Variants in NELL1 observed in about 807,000 individuals in gnomAD.
NELL1 encodes protein kinase C-binding protein NELL1.
A neutral mutation model predicts 107.4 loss-of-function variants in NELL1; 76 were observed. The observed-to-expected ratio is 0.71, with a 90% CI of 0.59 to 0.86. The LOEUF is 0.86. NELL1 is among the 40% of genes least tolerant of loss of function. The pLI is 0.00. For synonymous variants in NELL1, 353 were observed against 341.2 expected (o/e 1.03, Z -0.38); for missense variants, 1,024 against 1,005.5 (o/e 1.02, Z -0.25).
At chr11:20,747,361 G>A (rs1010599566) in intron 2 of NELL1, among the ~76,000 whole-genome samples, 10 of 152,130 alleles carry the variant, frequency 6.6e-5, no homozygotes, top group African/African-American at 2.4e-4. Flanking sequence ...AAGATAACTA[G>A]GTCATCTAGG....
intron 16 of NELL1, among the ~76,000 whole-genome samples, chr11:21,549,609 T>C (rs565367449): frequency 1.4e-4 from 22 of 151,930 alleles, no homozygotes; most frequent in African/African-American, 5.1e-4. Context: ...CTCAGTGCAG[T>C]CATTTTTCTT....
At chr11:21,381,855 A>G (rs1851615959) in intron 15 of NELL1, among the ~76,000 whole-genome samples, 1 of 149,286 alleles carries the variant, frequency 6.7e-6, no homozygotes, top group Non-Finnish European at 1.5e-5. Context: ...GAGCTGATTC[A>G]GCACCTGGAA....
chr11:21,328,127 C>G (rs1319246094), intron 14 of NELL1, among the ~76,000 whole-genome samples: 1 of 152,128 alleles, frequency 6.6e-6, no homozygotes, highest in African/African-American at 2.4e-5. Flanking sequence ...CAGGGGTTAT[C>G]AGAGACCTTC....
chr11:20,906,578 T>C (rs1482097706), intron 5 of NELL1, among the ~76,000 whole-genome samples: 1 of 152,058 alleles, frequency 6.6e-6, no homozygotes, highest in East Asian at 1.9e-4. Context: ...CTTATGAATG[T>C]AGAGGCAACA....
chr11:21,157,504 G>A (rs57341959), intron 13 of NELL1, among the ~76,000 whole-genome samples: 1,583 of 152,170 alleles, frequency 0.01, 24 homozygotes, highest in African/African-American at 0.036. Flanking sequence ...CATAGTACAC[G>A]CACTTATCTT....
intron 13 of NELL1, among the ~76,000 whole-genome samples, chr11:21,228,601 A>T (rs1857954220): frequency 6.6e-6 from 1 of 151,650 alleles, no homozygotes; most frequent in Admixed American, 6.6e-5. Context: ...TATATTCACC[A>T]GCCTTTCTCT....
chr11:21,070,366 C>G (rs1853981508), intron 12 of NELL1, among the ~76,000 whole-genome samples: 1 of 151,986 alleles, frequency 6.6e-6, no homozygotes, highest in Non-Finnish European at 1.5e-5. Flanking sequence ...TTTGAGGATC[C>G]TGGATGAACT....
chr11:21,410,527 C>A (rs899571651), intron 15 of NELL1, among the ~76,000 whole-genome samples: 1 of 151,982 alleles, frequency 6.6e-6, no homozygotes, highest in African/African-American at 2.4e-5. Context: ...CTTTCCAGCA[C>A]CATATTCACA....
Position 20,764,611 on chromosome 11 carries a change from C to CTTTT in NELL1, c.185-19057_185-19054dup, listed in dbSNP as rs200315813. 1.1e-3 allele frequency among the ~76,000 whole-genome samples: 162 copies of CTTTT among 142,082 alleles called. 1 individual carries two copies. Among genetic ancestry groups the CTTTT allele is most frequent in the African/African-American group, 2.4e-3 (94 of 38,738 alleles). 93.2% of individuals were successfully genotyped at this position (142,082 alleles called of 152,430 possible). ...TTGACACCTGGCCTACACCCCAGAC[C>CTTTT]TTTTTTTTTTTTTTTGAGTCTCTCA... On this transcript the variant is annotated intron_variant, in intron 2 of 19. Coordinates refer to ENST00000357134, the MANE Select transcript of NELL1 (RefSeq NM_006157.5).
chr11:21,281,690 C>A (rs1565146310), intron 14 of NELL1, among the ~76,000 whole-genome samples: 1 of 151,338 alleles, frequency 6.6e-6, no homozygotes, highest in Non-Finnish European at 1.5e-5. Context: ...CCCCCAGATC[C>A]AGAGAGAGAG....
At chr11:20,705,616 C>G (rs867602841) in intron 2 of NELL1, among the ~76,000 whole-genome samples, 2 of 138,048 alleles carry the variant, frequency 1.4e-5, no homozygotes, top group Admixed American at 1.4e-4. Context: ...CAAGGACTTC[C>G]TGTCTAAAAC....
intron 5 of NELL1, among the ~76,000 whole-genome samples, chr11:20,909,968 A>C (rs1321639519): frequency 6.6e-6 from 1 of 152,134 alleles, no homozygotes; most frequent in East Asian, 1.9e-4. Flanking sequence ...CAAACCCCCA[A>C]AACTCAGGGG....
chr11:21,095,754 G>A (rs1251713763), intron 12 of NELL1, among the ~76,000 whole-genome samples: 6 of 152,084 alleles, frequency 3.9e-5, no homozygotes, highest in South Asian at 2.1e-4. Context: ...GGGATTACAG[G>A]CATGCACCAC....
rs529288297 is a variant in NELL1, at chr11:20,891,900, C to A, written c.603+6360C>A. ...GAGACCTACAAAGAGACTTAGACTC[C>A]CACATAATAATAGTGAGAGACTTTA... is the stretch of plus-strand genomic sequence containing the variant. On this transcript the variant is annotated intron_variant, in intron 5 of 19. Coordinates refer to ENST00000357134, the MANE Select transcript of NELL1 (RefSeq NM_006157.5). 2.6e-5 allele frequency among the ~76,000 whole-genome samples: 4 copies of A among 152,216 alleles called. No homozygotes were observed. The South Asian group carries it at 8.3e-4, about 32-fold the overall frequency.
intron 10 of NELL1, among the ~76,000 whole-genome samples, chr11:20,938,160 T>G (rs1590437921): frequency 6.6e-6 from 1 of 152,134 alleles, no homozygotes; most frequent in Non-Finnish European, 1.5e-5. Flanking sequence ...TGCGAAAGGG[T>G]TTTGAGTTGG....
chr11:20,764,037 G>C (rs1856480141), intron 2 of NELL1, among the ~76,000 whole-genome samples: 1 of 152,222 alleles, frequency 6.6e-6, no homozygotes, highest in Non-Finnish European at 1.5e-5. Context: ...TTGCCTGTGG[G>C]AATATGGGCT....
intron 10 of NELL1, among the ~76,000 whole-genome samples, chr11:20,944,305 C>G (rs1319288070): frequency 1.3e-5 from 2 of 152,036 alleles, no homozygotes; most frequent in Non-Finnish European, 2.9e-5. Context: ...AATATTTTCA[C>G]CAAGTGTTTC....
Position 20,701,141 on chromosome 11 carries a change from C to T in NELL1, c.184+23081C>T, listed in dbSNP as rs537277293. On this transcript the variant is annotated intron_variant, in intron 2 of 19. Transcript: ENST00000357134. ...GCCCCACCAACAGTGTAAAAGTGTTCCTATTTCTCCACATCCTCTGCAGCA... is the reference window on the plus strand; with the variant it reads ...GCCCCACCAACAGTGTAAAAGTGTTTCTATTTCTCCACATCCTCTGCAGCA... Among the ~76,000 whole-genome samples, 24 of 152,252 alleles carry T rather than the reference C, an allele frequency of 1.6e-4. No individual in the cohort carries two copies. In the South Asian group the frequency reaches 4.8e-3, roughly 30 times the overall value.
chr11:21,386,574 A>G (rs1016061239), intron 15 of NELL1, among the ~76,000 whole-genome samples: 3 of 151,836 alleles, frequency 2.0e-5, no homozygotes, highest in African/African-American at 7.2e-5. Flanking sequence ...AGACCATCTG[A>G]TTGGAATGGT....
Sources: allele counts gnomAD v4.1 joint callset (sites outside exome capture counted in the v4.1 genomes callset), GRCh38; gene constraint gnomAD v4.1.1; transcripts MANE v1.5; gene names NCBI Gene and HGNC (gene_info 2026-07-23, HGNC 2026-07-21).